Variants in MAP3K15 observed in about 807,000 individuals in gnomAD.
MAP3K15 encodes the protein MAPK/ERK kinase kinase 15.
MAP3K15 carries 124 observed loss-of-function variants against 99.5 expected under a neutral mutation model. The ratio of observed to expected loss-of-function variants is 1.25; its 90% CI spans 1.08 to 1.45. MAP3K15 has a LOEUF of 1.45. Among genes scored for constraint, MAP3K15 ranks in the 40% most tolerant of loss-of-function variants. The pLI is 0.00. For synonymous variants in MAP3K15, 494 were observed against 439.6 expected (o/e 1.12, Z -1.55); for missense variants, 1,242 against 1,079.7 (o/e 1.15, Z -2.11).
chrX:19,500,902 C>T (rs964521786), intron 1 of MAP3K15, among the ~76,000 whole-genome samples: 1 of 111,988 alleles, frequency 8.9e-6, no homozygotes, highest in Admixed American at 9.5e-5. Flanking sequence ...GACCAGCCCA[C>T]GGATATCTAC....
At chrX:19,445,966 A>C (rs895440839) in intron 6 of MAP3K15, among the ~76,000 whole-genome samples, 20 of 108,613 alleles carry the variant, frequency 1.8e-4, no homozygotes, top group African/African-American at 6.3e-4. Flanking sequence ...ATAAATAAAT[A>C]AATAAATAAA....
At chrX:19,472,287 T>C (rs1262759996) in intron 3 of MAP3K15, among the ~76,000 whole-genome samples, 1 of 108,819 alleles carries the variant, frequency 9.2e-6, no homozygotes, top group African/African-American at 3.3e-5. Flanking sequence ...TTCTTCAGGC[T>C]GAAAGCAAAT....
intron 7 of MAP3K15, among the ~76,000 whole-genome samples, chrX:19,427,550 A>G (rs2063842232): frequency 9.0e-6 from 1 of 111,496 alleles, no homozygotes; most frequent in Non-Finnish European, 1.9e-5. Flanking sequence ...AGGATACAAA[A>G]TTGGGAATCC....
At chrX:19,404,077 C>T (rs953063769) in intron 13 of MAP3K15, among the ~76,000 whole-genome samples, 1 of 111,562 alleles carries the variant, frequency 9.0e-6, no homozygotes, top group Non-Finnish European at 1.9e-5. Context: ...AAAACTAAAA[C>T]TGTATCTGCA....
intron 4 of MAP3K15, among the ~76,000 whole-genome samples, chrX:19,460,700 C>T (rs1334344086): frequency 9.0e-6 from 1 of 111,255 alleles, no homozygotes; most frequent in Non-Finnish European, 1.9e-5. Context: ...TGGAAACTTA[C>T]AGACAGCCTT....
intron 3 of MAP3K15, among the ~76,000 whole-genome samples, chrX:19,485,245 G>T (rs746328150): frequency 2.1e-5 from 2 of 96,913 alleles, no homozygotes; most frequent in East Asian, 3.5e-4. Flanking sequence ...GGAGGCAGAG[G>T]TTGCAGTGAG....
chrX:19,363,181 G>C (rs1394404673), intron 25 of MAP3K15, among the ~76,000 whole-genome samples: 1 of 112,067 alleles, frequency 8.9e-6, no homozygotes, highest in Non-Finnish European at 1.9e-5. Context: ...ACAAGGTGAT[G>C]GTGTTAGGAG....
chrX:19,432,599 G>A (rs1442758735), intron 6 of MAP3K15, among the ~76,000 whole-genome samples: 1 of 109,400 alleles, frequency 9.1e-6, no homozygotes, highest in Non-Finnish European at 1.9e-5. Flanking sequence ...AAGACAATTG[G>A]GAAAATTTGA....
At chrX:19,456,356 G>A (rs1346551664) in intron 6 of MAP3K15, among the ~76,000 whole-genome samples, 2 of 111,461 alleles carry the variant, frequency 1.8e-5, no homozygotes, top group Non-Finnish European at 3.8e-5. Context: ...TCGCGAACAC[G>A]ACGATGAATG....
intron 22 of MAP3K15, among the ~76,000 whole-genome samples, chrX:19,372,244 C>A (rs928524483): frequency 1.8e-5 from 2 of 111,438 alleles, no homozygotes; most frequent in African/African-American, 6.5e-5. Context: ...TCACCCATAA[C>A]CACCCTCCCC....
chrX:19,431,406 G>A, intron 7 of MAP3K15, 32 bp downstream of exon 7: 2 of 1,183,228 alleles, frequency 1.7e-6, no homozygotes, highest in South Asian at 1.8e-5. Flanking sequence ...TTGAAGAGAT[G>A]CAAGTGCTCA....
At position 19,392,491 on chromosome X, in the gene MAP3K15, A is replaced by C. The variant is rs754614877; in HGVS notation, c.2195-18T>G. On this transcript the variant is annotated intron_variant, in intron 16 of 28. Transcript: ENST00000338883. ...AAGGCTTCCTAGAGACAGTCACAGCAAAAAACTTATCAGGAAGAGAAAGTT... is the reference window on the plus strand; with the variant it reads ...AAGGCTTCCTAGAGACAGTCACAGCCAAAAACTTATCAGGAAGAGAAAGTT... 8 of 1,197,090 alleles carry C rather than the reference A, an allele frequency of 6.7e-6. No homozygotes were observed. Among genetic ancestry groups the C allele is most frequent in the Non-Finnish European group, 1.1e-6 (1 of 889,523 alleles).
intron 6 of MAP3K15, among the ~76,000 whole-genome samples, chrX:19,449,161 A>C (rs1352349906): frequency 9.1e-6 from 1 of 110,114 alleles, no homozygotes; most frequent in Non-Finnish European, 1.9e-5. Flanking sequence ...TGACTCTGTA[A>C]TCTTTTTATG....
intron 6 of MAP3K15, among the ~76,000 whole-genome samples, chrX:19,433,618 C>T (rs772311400): frequency 9.0e-6 from 1 of 111,110 alleles, no homozygotes; most frequent in Non-Finnish European, 1.9e-5. Flanking sequence ...TTCTCATAAT[C>T]CATCTCTTCC....
Position 19,515,193 on chromosome X carries a change from C to A in MAP3K15, c.69G>T (p.Pro23=), listed in dbSNP as rs1419797105. The A allele has an allele frequency of 8.1e-6, 7 of 859,131 alleles. No homozygotes were observed. The highest frequency in any genetic ancestry group is 4.4e-5 in the African/African-American group (2 of 45,861). 70.8% of individuals were successfully genotyped at this position (859,131 alleles called of 1,213,427 possible). Residue 23 remains proline, a synonymous_variant, in exon 1 of 29, where the codon CCG becomes CCT. Transcript: ENST00000338883. ...LGAASESPQC[P]PPPGVEGAAG... ...CCGCGCCCTCCACCCCCGGCGGCGG[C>A]GGGCACTGAGGGGACTCGCTCGCCG...
At chrX:19,374,355 G>C (rs2063402332) in intron 20 of MAP3K15, 122 bp downstream of exon 20, 2 of 647,342 alleles carry the variant, frequency 3.1e-6, no homozygotes, top group Non-Finnish European at 4.7e-6. Flanking sequence ...ACAAAAATGG[G>C]AATGACGTGA....
intron 1 of MAP3K15, among the ~76,000 whole-genome samples, chrX:19,491,928 C>T (rs1384018074): frequency 9.2e-6 from 1 of 108,736 alleles, no homozygotes; most frequent in Non-Finnish European, 1.9e-5. Flanking sequence ...TCAAGCGATC[C>T]GCCCACCTCA....
At chrX:19,465,796 G>T (rs1351757483) in intron 3 of MAP3K15, among the ~76,000 whole-genome samples, 1 of 104,083 alleles carries the variant, frequency 9.6e-6, no homozygotes, top group Non-Finnish European at 1.9e-5. Context: ...TACCAGTGTT[G>T]TAAGTAGAAA....
chrX:19,466,997 C>T (rs1301341145), intron 3 of MAP3K15, among the ~76,000 whole-genome samples: 1 of 111,027 alleles, frequency 9.0e-6, no homozygotes, highest in Non-Finnish European at 1.9e-5. Context: ...GATTTACACA[C>T]AAACTTTTTT....
Sources: gnomAD v4.1 joint callset for allele counts (sites outside exome capture counted in the v4.1 genomes callset) on GRCh38, gnomAD v4.1.1 for gene constraint, MANE v1.5 for transcripts, NCBI Gene and HGNC (gene_info 2026-07-23, HGNC 2026-07-21) for gene names.